The following CNOT7 variants were observed in gnomAD, a reference collection of about 807,000 sequenced individuals.
CNOT7 encodes BTG1-binding factor 1.
CNOT7 carries 4 observed loss-of-function variants against 37.1 expected under a neutral mutation model. That is an observed-to-expected ratio of 0.11 (90% CI 0.05 to 0.25). CNOT7 has a LOEUF of 0.25. Ranked by LOEUF, CNOT7 falls within the 10% of genes least tolerant of loss-of-function variation. The pLI, the probability that CNOT7 is intolerant of heterozygous loss-of-function variation, is 1.00. For missense variants in CNOT7, 170 were observed against 336.2 expected (o/e 0.51, Z 3.87); for synonymous variants, 128 against 115.6 (o/e 1.11, Z -0.69).
At chr8:17,235,704 A>G (rs530314873) in intron 4 of CNOT7, among the ~76,000 whole-genome samples, 7 of 152,312 alleles carry the variant, frequency 4.6e-5, no homozygotes, top group Admixed American at 3.9e-4. Context: ...GCTCACTAAC[A>G]TTAAAAGATT....
chr8:17,240,917 C>G (rs529056519), intron 3 of CNOT7, among the ~76,000 whole-genome samples: 6 of 152,136 alleles, frequency 3.9e-5, no homozygotes, highest in Non-Finnish European at 8.8e-5. Context: ...TTGGGCCACA[C>G]ATTAAATAAA....
Position 17,228,877 on chromosome 8 carries a change from A to T in CNOT7, c.*1843T>A, listed in dbSNP as rs898855495. 6.6e-6 allele frequency: 1 copy of T among 152,008 alleles called. No individual in the cohort carries two copies. Among genetic ancestry groups the T allele is most frequent in the Non-Finnish European group, 1.5e-5 (1 of 67,874 alleles). 9.4% of individuals were successfully genotyped at this position (152,008 alleles called of 1,614,324 possible). A position where few individuals can be genotyped will look rare whatever the true frequency, so the allele number is the denominator to read the frequency against. On this transcript the variant is annotated 3_prime_UTR_variant, in exon 7 of 7. Coordinates refer to ENST00000361272, the MANE Select transcript of CNOT7 (RefSeq NM_013354.7). The stretch of plus-strand genomic sequence containing the variant: ...CGAAAAGAAGCTTCACTTCCTTTTT[A>T]ACGAAGACAAAAGAAGCCAGTTAGA...
intron 3 of CNOT7, 103 bp from the exon 4 acceptor site, chr8:17,237,476 G>C: frequency 9.5e-7 from 1 of 1,053,692 alleles, no homozygotes; most frequent in Non-Finnish European, 1.4e-6. Context: ...AGAGACAGAG[G>C]AATGGCTTGA....
At chr8:17,232,366 A>G in intron 6 of CNOT7, 61 bp downstream of exon 6, 2 of 1,610,856 alleles carry the variant, frequency 1.2e-6, no homozygotes, top group African/African-American at 2.7e-5. Context: ...CTTTGGCCAC[A>G]AGATTTTTAA....
rs1198639668 is a variant in CNOT7, at chr8:17,230,583, C to G, written c.*137G>C. 2 of 573,178 alleles carry G rather than the reference C, an allele frequency of 3.5e-6. No homozygotes were observed. Among genetic ancestry groups the G allele is most frequent in the East Asian group, 3.2e-5 (1 of 31,054 alleles). The allele number at this position is 573,178 out of a possible 1,614,324, so 35.5% of individuals were successfully genotyped here. ...GAGATAGGAACGGTCATACTTAGTA[C>G]TGAAAGGCAGACAATAAAATGGGCC... On this transcript the variant is annotated 3_prime_UTR_variant, in exon 7 of 7. Coordinates refer to ENST00000361272, the MANE Select transcript of CNOT7 (RefSeq NM_013354.7).
At position 17,229,782 on chromosome 8, in the gene CNOT7, T is replaced by C. The variant is rs754632981; in HGVS notation, c.*938A>G. Reference sequence around the variant, plus strand: ...TAAAGACTTATCTTTGGATTTTTAATAAAATTGATTTGTGTAACCAACAAA... The same window carrying C: ...TAAAGACTTATCTTTGGATTTTTAACAAAATTGATTTGTGTAACCAACAAA... On this transcript the variant is annotated 3_prime_UTR_variant, in exon 7 of 7. Coordinates refer to ENST00000361272, the MANE Select transcript of CNOT7 (RefSeq NM_013354.7). The C allele has an allele frequency of 1.3e-5, 2 of 149,378 alleles. No homozygotes were observed. The highest frequency in any genetic ancestry group is 6.7e-5 in the Admixed American group (1 of 14,896). 9.3% of individuals were successfully genotyped at this position (149,378 alleles called of 1,614,324 possible).
chr8:17,227,963 CAA>C lies in CNOT7; in HGVS notation c.*2755_*2756del, dbSNP rs1191987265. The C allele has an allele frequency of 6.6e-6, 1 of 151,908 alleles. No individual in the cohort carries two copies. Among genetic ancestry groups the C allele is most frequent in the Non-Finnish European group, 1.5e-5 (1 of 67,834 alleles). 9.4% of individuals were successfully genotyped at this position (151,908 alleles called of 1,614,324 possible). Reference sequence around the variant, plus strand: ...TAGCTTGCCAAGCGGCAATGTGAAACAAGACACACATACACAGGTTCTGTAGC... The same window carrying C: ...TAGCTTGCCAAGCGGCAATGTGAAACGACACACATACACAGGTTCTGTAGC... On this transcript the variant is annotated 3_prime_UTR_variant, in exon 7 of 7. Transcript: ENST00000361272.
Position 17,244,826 on chromosome 8 carries a change from G to A in CNOT7, c.117+210C>T, listed in dbSNP as rs949114813. 5 of 472,052 alleles carry A rather than the reference G, an allele frequency of 1.1e-5. No individual in the cohort carries two copies. In the East Asian group the frequency reaches 1.1e-4, roughly 11 times the overall value. 29.2% of individuals were successfully genotyped at this position (472,052 alleles called of 1,614,324 possible). A position where few individuals can be genotyped will look rare whatever the true frequency, so the allele number is the denominator to read the frequency against. ...CCATGGTTCCCATGAATTCCAGTGC[G>A]TTTTCCCTCACTGCAATGAGGGATA... On this transcript the variant is annotated intron_variant, in intron 2 of 6. Coordinates refer to ENST00000361272, the MANE Select transcript of CNOT7 (RefSeq NM_013354.7).
At chr8:17,245,487 A>G (rs927062741) in intron 1 of CNOT7, among the ~76,000 whole-genome samples, 2 of 152,194 alleles carry the variant, frequency 1.3e-5, no homozygotes, top group Non-Finnish European at 2.9e-5. Context: ...ACACATACAT[A>G]CTAATCATAT....
chr8:17,244,218 G>A (rs1386651066), intron 2 of CNOT7: 1 of 153,200 alleles, frequency 6.5e-6, no homozygotes, highest in Non-Finnish European at 1.5e-5. Flanking sequence ...TAATGGTAAA[G>A]AAGAAAAATC....
intron 1 of CNOT7, 32 bp from the exon 2 acceptor site, chr8:17,245,279 G>A: frequency 2.1e-6 from 2 of 936,386 alleles, no homozygotes. Flanking sequence ...ATGAAGACCA[G>A]ATATATCAAA....
intron 2 of CNOT7, 128 bp from the exon 3 acceptor site, chr8:17,243,313 G>T: frequency 1.4e-6 from 1 of 723,958 alleles, no homozygotes; most frequent in Non-Finnish European, 2.3e-6. Context: ...CAATTACAAA[G>T]TATATTTTAA....
intron 3 of CNOT7, among the ~76,000 whole-genome samples, chr8:17,239,436 C>T (rs1809836222): frequency 6.6e-6 from 1 of 152,174 alleles, no homozygotes; most frequent in Non-Finnish European, 1.5e-5. Context: ...CTTTCTGTTA[C>T]CACCAAACCC....
chr8:17,233,121 T>C (rs578085520), intron 5 of CNOT7, among the ~76,000 whole-genome samples: 1 of 150,502 alleles, frequency 6.6e-6, no homozygotes. Context: ...AAAAGAAAGA[T>C]GAGAGTGGAA....
At position 17,237,195 on chromosome 8, in the gene CNOT7, C is replaced by T; in HGVS notation, c.473+17G>A. ...GAGATGGAAAAACAAATGCCATTTT[C>T]AATGTAGTCGTTTTACCTATGAAAT... On this transcript the variant is annotated intron_variant, in intron 4 of 6. Coordinates refer to ENST00000361272, the MANE Select transcript of CNOT7 (RefSeq NM_013354.7). 1 of 1,610,500 alleles carries T rather than the reference C, an allele frequency of 6.2e-7. No individual in the cohort carries two copies. The highest frequency in any genetic ancestry group is 1.3e-5 in the African/African-American group (1 of 74,858).
intron 3 of CNOT7, among the ~76,000 whole-genome samples, chr8:17,238,264 C>G (rs1809650763): frequency 6.6e-6 from 1 of 152,048 alleles, no homozygotes; most frequent in Admixed American, 6.5e-5. Context: ...TGGTTTCTAC[C>G]TCTTGGCAAA....
Position 17,235,530 on chromosome 8 carries a change from C to A in CNOT7, c.474-670G>T, listed in dbSNP as rs147652887. On this transcript the variant is annotated intron_variant, in intron 4 of 6. Coordinates refer to ENST00000361272, the MANE Select transcript of CNOT7 (RefSeq NM_013354.7). ...GTAAAAAAATAACTACTCTCTTGATCATAAAATGCAAACTCCTACACTCTC... is the reference window on the plus strand; with the variant it reads ...GTAAAAAAATAACTACTCTCTTGATAATAAAATGCAAACTCCTACACTCTC... Among the ~76,000 whole-genome samples the A allele has an allele frequency of 2.8e-3, 427 of 152,210 alleles. 4 individuals are homozygous for A. Among genetic ancestry groups the A allele is most frequent in the African/African-American group, 9.8e-3 (406 of 41,518 alleles).
chr8:17,241,276 T>TA (rs35474340), intron 3 of CNOT7: 3 of 40,036 alleles, frequency 7.5e-5, no homozygotes, highest in Non-Finnish European at 1.7e-4. Context: ...CTTAGTTTCA[T>TA]TTTTTTTTTT....
At chr8:17,244,511 A>T (rs542687837) in intron 2 of CNOT7, 1 of 152,542 alleles carries the variant, frequency 6.6e-6, no homozygotes, top group South Asian at 2.1e-4. Context: ...ACAAAAGTTC[A>T]ACCTCAAATA....
Sources: gnomAD v4.1 joint callset for allele counts (sites outside exome capture counted in the v4.1 genomes callset) on GRCh38, gnomAD v4.1.1 for gene constraint, MANE v1.5 for transcripts, NCBI Gene and HGNC (gene_info 2026-07-23, HGNC 2026-07-21) for gene names.